Variants in BNC2 observed in about 807,000 individuals in gnomAD.
BNC2 encodes the protein basonuclin zinc finger protein 2.
In BNC2, 20 loss-of-function variants were observed where a neutral mutation model predicts 76.3. The observed-to-expected ratio is 0.26, with a 90% CI of 0.18 to 0.38. The LOEUF (loss-of-function observed/expected upper bound fraction) is 0.38, where lower values mean the gene tolerates loss of function less well. Among genes scored for constraint, BNC2 ranks in the 10% least tolerant of loss-of-function variants. The probability of loss-of-function intolerance (pLI) is 1.00; values close to 1 mark genes in which losing one functional copy is unlikely to be tolerated. For synonymous variants in BNC2, 582 were observed against 514.8 expected (o/e 1.13, Z -1.77); for missense variants, 1,382 against 1,399.8 (o/e 0.99, Z 0.20).
At chr9:16,602,712 A>C (rs1820277208) in intron 3 of BNC2, among the ~76,000 whole-genome samples, 1 of 152,232 alleles carries the variant, frequency 6.6e-6, no homozygotes, top group Non-Finnish European at 1.5e-5. Context: ...CTTACTGTAC[A>C]GAAGCAACCT....
At chr9:16,845,070 C>G (rs927133427) in intron 1 of BNC2, among the ~76,000 whole-genome samples, 4 of 152,164 alleles carry the variant, frequency 2.6e-5, no homozygotes, top group African/African-American at 9.7e-5. Context: ...CAGTACTTCA[C>G]AGCGAACTGA....
chr9:16,673,430 TA>T (rs370952322), intron 3 of BNC2, among the ~76,000 whole-genome samples: 1,619 of 146,284 alleles, frequency 0.011, 26 homozygotes, highest in African/African-American at 0.038. Flanking sequence ...TTCTGAGATT[TA>T]AAAAAAAAAA....
At chr9:16,477,325 G>C (rs7848946) in intron 5 of BNC2, among the ~76,000 whole-genome samples, 10,529 of 151,914 alleles carry the variant, frequency 0.069, 605 homozygotes, top group African/African-American at 0.15. Flanking sequence ...TTAGGGTCTA[G>C]TATTGGCTTT....
At chr9:16,578,661 T>A (rs1819550398) in intron 4 of BNC2, among the ~76,000 whole-genome samples, 2 of 151,880 alleles carry the variant, frequency 1.3e-5, no homozygotes, top group African/African-American at 4.8e-5. Context: ...AAAAAAAAAA[T>A]TACATCACCA....
rs767692182 is a variant in BNC2, at chr9:16,419,351, A to G, written c.2938T>C (p.Ser980Pro). The change falls in exon 7 of 7, where the codon TCC (serine) becomes CCC (proline). Residue 980 changes from serine to proline, a missense_variant. Coordinates refer to ENST00000380672, the MANE Select transcript of BNC2 (RefSeq NM_017637.6). The stretch of plus-strand genomic sequence containing the variant: ...ATCCCCTCATCGCTGCCTGCGTCGG[A>G]TTCTCTGGAGGAATGGATACTGCTG... ...SSSSIHSSRE[S>P]DAGSDEGILL... 1 of 1,610,374 alleles carries G rather than the reference A, an allele frequency of 6.2e-7. No individual in the cohort carries two copies. Among genetic ancestry groups the G allele is most frequent in the Non-Finnish European group, 8.5e-7 (1 of 1,177,688 alleles).
chr9:16,462,881 A>T (rs897410436), intron 5 of BNC2, among the ~76,000 whole-genome samples: 53 of 152,294 alleles, frequency 3.5e-4, no homozygotes, highest in African/African-American at 1.1e-3. Context: ...GAATGACCCC[A>T]GCTGAAGTTT....
intron 5 of BNC2, among the ~76,000 whole-genome samples, chr9:16,502,197 T>C (rs541219396): frequency 1.3e-5 from 2 of 152,114 alleles, no homozygotes; most frequent in South Asian, 4.2e-4. Context: ...ATCCCACCTG[T>C]ACAAAAAATA....
At chr9:16,696,364 G>C (rs1823337901) in intron 3 of BNC2, among the ~76,000 whole-genome samples, 1 of 152,096 alleles carries the variant, frequency 6.6e-6, no homozygotes, top group Non-Finnish European at 1.5e-5. Context: ...CTTGCATACT[G>C]ATTTGGACTT....
At chr9:16,511,494 C>T (rs1207655421) in intron 5 of BNC2, among the ~76,000 whole-genome samples, 2 of 131,864 alleles carry the variant, frequency 1.5e-5, no homozygotes, top group African/African-American at 2.8e-5. Flanking sequence ...GTGGCTCAAA[C>T]ATAGCTCACT....
In BNC2 at chr9:16,545,706, A is replaced by G. The variant is rs77095384; in HGVS notation, c.669+6824T>C. 5.6e-4 allele frequency among the ~76,000 whole-genome samples: 85 copies of G among 152,322 alleles called. 2 individuals carry two copies. The East Asian group carries it at 0.016, about 28-fold the overall frequency. On this transcript the variant is annotated intron_variant, in intron 5 of 6. Transcript: ENST00000380672. ...CATCCTGGCTCCTCCTCTCAGTCAC[A>G]TGGCCTCATTTACAAATCAGTTCTG... is the stretch of plus-strand genomic sequence containing the variant.
chr9:16,448,899 ATG>A (rs1052190075), intron 5 of BNC2, among the ~76,000 whole-genome samples: 3 of 152,160 alleles, frequency 2.0e-5, no homozygotes, highest in Admixed American at 1.3e-4. Context: ...ACACATACAC[ATG>A]TGTGTATAAT....
At chr9:16,517,240 C>T (rs906812704) in intron 5 of BNC2, among the ~76,000 whole-genome samples, 2 of 152,210 alleles carry the variant, frequency 1.3e-5, no homozygotes, top group African/African-American at 4.8e-5. Flanking sequence ...GGGCTCACAG[C>T]TGAGAAACCT....
At chr9:16,526,804 G>A (rs1587134068) in intron 5 of BNC2, among the ~76,000 whole-genome samples, 1 of 152,034 alleles carries the variant, frequency 6.6e-6, no homozygotes, top group Admixed American at 6.6e-5. Context: ...CTCCCAGAAC[G>A]TGGATATAGC....
At chr9:16,705,897 C>A (rs1350768234) in intron 3 of BNC2, among the ~76,000 whole-genome samples, 1 of 152,174 alleles carries the variant, frequency 6.6e-6, no homozygotes, top group Non-Finnish European at 1.5e-5. Flanking sequence ...AAAACACCTA[C>A]ACTTAACCAT....
At chr9:16,434,903 A>C in intron 6 of BNC2, 1 of 465,702 alleles carries the variant, frequency 2.1e-6, no homozygotes, top group Non-Finnish European at 4.4e-6. Flanking sequence ...AAAGAAACCC[A>C]CACGACCATA....
chr9:16,783,433 G>A (rs1383540832), intron 1 of BNC2, among the ~76,000 whole-genome samples: 6 of 152,180 alleles, frequency 3.9e-5, no homozygotes, highest in Non-Finnish European at 8.8e-5. Context: ...ATGCTGAAGA[G>A]ATAAATTATG....
chr9:16,705,451 C>A (rs779771173), intron 3 of BNC2, among the ~76,000 whole-genome samples: 1 of 152,282 alleles, frequency 6.6e-6, no homozygotes, highest in Non-Finnish European at 1.5e-5. Flanking sequence ...ACCCCTGACC[C>A]CTTGCATTGT....
At chr9:16,533,309 G>A (rs918770778) in intron 5 of BNC2, among the ~76,000 whole-genome samples, 1 of 152,150 alleles carries the variant, frequency 6.6e-6, no homozygotes, top group African/African-American at 2.4e-5. Context: ...TAAGTATCAG[G>A]CACACAGGTT....
At chr9:16,785,427 C>T (rs557613580) in intron 1 of BNC2, among the ~76,000 whole-genome samples, 9 of 152,226 alleles carry the variant, frequency 5.9e-5, no homozygotes, top group African/African-American at 1.4e-4. Context: ...CAGAGTTTTG[C>T]TCTGCCACCC....
Sources: allele counts gnomAD v4.1 joint callset (sites outside exome capture counted in the v4.1 genomes callset), GRCh38; gene constraint gnomAD v4.1.1; transcripts MANE v1.5; gene names NCBI Gene and HGNC (gene_info 2026-07-23, HGNC 2026-07-21).